GRID2: variants seen among roughly 807,000 people sequenced by gnomAD.
GRID2 encodes the protein glutamate ionotropic receptor delta type subunit 2, also known as glutamate receptor ionotropic, delta-2.
GRID2 carries 33 observed loss-of-function variants against 114.8 expected under a neutral mutation model. That is an observed-to-expected ratio of 0.29 (90% CI 0.22 to 0.38). The LOEUF (loss-of-function observed/expected upper bound fraction) is 0.38, where lower values mean the gene tolerates loss of function less well. GRID2 is among the 10% of genes least tolerant of loss of function. The pLI, the probability that GRID2 is intolerant of heterozygous loss-of-function variation, is 1.00. For synonymous variants in GRID2, 505 were observed against 449.9 expected (o/e 1.12, Z -1.55); for missense variants, 1,184 against 1,257.7 (o/e 0.94, Z 0.89).
intron 14 of GRID2, 92 bp from the exon 15 acceptor site, chr4:93,769,118 A>G (rs1046338665): frequency 1.9e-5 from 24 of 1,243,942 alleles, no homozygotes; most frequent in Admixed American, 3.7e-5. Context: ...GACAGCCACC[A>G]TCCTACAGAG....
intron 1 of GRID2, among the ~76,000 whole-genome samples, chr4:92,339,886 T>G (rs985953441): frequency 6.6e-6 from 1 of 152,168 alleles, no homozygotes; most frequent in African/African-American, 2.4e-5. Flanking sequence ...GCATAAACAC[T>G]GAAATTGCAG....
intron 14 of GRID2, among the ~76,000 whole-genome samples, chr4:93,632,664 TTG>T (rs1399543238): frequency 6.6e-6 from 1 of 152,172 alleles, no homozygotes; most frequent in Non-Finnish European, 1.5e-5. Flanking sequence ...GCCTCCAGCT[TTG>T]TTCTTTTTGC....
At chr4:92,397,338 TTGTATGTGTG>T (rs1730542878) in intron 1 of GRID2, among the ~76,000 whole-genome samples, 1 of 124,188 alleles carries the variant, frequency 8.1e-6, no homozygotes, top group African/African-American at 3.4e-5. Flanking sequence ...CTCTGTGTGT[TTGTATGTGTG>T]TGTGTGTGTG....
At chr4:92,344,690 A>G (rs1003242326) in intron 1 of GRID2, among the ~76,000 whole-genome samples, 1 of 152,130 alleles carries the variant, frequency 6.6e-6, no homozygotes. Flanking sequence ...GGATGGGGCT[A>G]GAATACCTAC....
intron 2 of GRID2, among the ~76,000 whole-genome samples, chr4:92,867,368 G>T (rs1744943968): frequency 6.6e-6 from 1 of 152,100 alleles, no homozygotes; most frequent in Admixed American, 6.5e-5. Flanking sequence ...AAGCTAGAGT[G>T]AAATATGTCA....
intron 1 of GRID2, among the ~76,000 whole-genome samples, chr4:92,463,248 C>T (rs930103848): frequency 9.2e-5 from 14 of 151,790 alleles, no homozygotes; most frequent in African/African-American, 3.4e-4. Context: ...ATTATCCTCT[C>T]AAAGGAAGGA....
At chr4:92,798,303 A>G (rs1206367528) in intron 2 of GRID2, among the ~76,000 whole-genome samples, 10 of 152,022 alleles carry the variant, frequency 6.6e-5, no homozygotes, top group Non-Finnish European at 2.9e-5. Context: ...GTACCTGATG[A>G]GCTATTAAAA....
chr4:92,450,106 G>C (rs957653574), intron 1 of GRID2, among the ~76,000 whole-genome samples: 6 of 151,938 alleles, frequency 3.9e-5, no homozygotes, highest in African/African-American at 1.4e-4. Flanking sequence ...AGAAGCAAAA[G>C]TTTAGCTCTG....
intron 2 of GRID2, among the ~76,000 whole-genome samples, chr4:92,876,227 C>T (rs907964092): frequency 6.6e-6 from 1 of 151,202 alleles, no homozygotes; most frequent in African/African-American, 2.4e-5. Context: ...CTGTTTCGAA[C>T]AGCAAATTTA....
intron 8 of GRID2, among the ~76,000 whole-genome samples, chr4:93,296,180 G>T (rs1754291674): frequency 6.6e-6 from 1 of 152,108 alleles, no homozygotes; most frequent in African/African-American, 2.4e-5. Flanking sequence ...TGCATTTGTT[G>T]GTGGCCACTC....
intron 2 of GRID2, among the ~76,000 whole-genome samples, chr4:92,923,215 G>T (rs1403924675): frequency 6.6e-6 from 1 of 152,034 alleles, no homozygotes; most frequent in Non-Finnish European, 1.5e-5. Context: ...ATAACTGTCA[G>T]GAAATTGAAG....
chr4:93,328,878 A>G (rs578010752), intron 8 of GRID2, among the ~76,000 whole-genome samples: 2 of 152,302 alleles, frequency 1.3e-5, no homozygotes, highest in East Asian at 1.9e-4. Context: ...ACTGGATGAA[A>G]TCGTCCAGGG....
In GRID2 at chr4:92,441,837, C is replaced by T. The variant is rs867748211; in HGVS notation, c.88+137093C>T. Among the ~76,000 whole-genome samples, 430 of 144,366 alleles carry T rather than the reference C, an allele frequency of 3.0e-3. 1 individual carries two copies. Among genetic ancestry groups the T allele is most frequent in the African/African-American group, 9.7e-3 (375 of 38,744 alleles). The allele number at this position is 144,366 out of a possible 152,430, so 94.7% of individuals were successfully genotyped here. ...AAGGTGGGGGGATACAAGAGGAGGA[C>T]GCAAAGGAGGCTTTGGATTGGGAAG... On this transcript the variant is annotated intron_variant, in intron 1 of 15. Coordinates refer to ENST00000282020, the MANE Select transcript of GRID2 (RefSeq NM_001510.4).
intron 2 of GRID2, among the ~76,000 whole-genome samples, chr4:92,608,385 A>C (rs1033343607): frequency 6.6e-6 from 1 of 151,864 alleles, no homozygotes; most frequent in Non-Finnish European, 1.5e-5. Flanking sequence ...AAATGGTTTG[A>C]GTTCAAAGAT....
intron 2 of GRID2, among the ~76,000 whole-genome samples, chr4:92,812,481 C>T (rs1251780014): frequency 6.6e-6 from 1 of 151,966 alleles, no homozygotes; most frequent in Non-Finnish European, 1.5e-5. Flanking sequence ...ATGGATGAAA[C>T]CATACATCAT....
chr4:92,645,487 A>G (rs777380139), intron 2 of GRID2, among the ~76,000 whole-genome samples: 3 of 151,820 alleles, frequency 2.0e-5, no homozygotes, highest in Non-Finnish European at 4.4e-5. Context: ...AATTTTCTTA[A>G]CAGTACTTTA....
intron 1 of GRID2, among the ~76,000 whole-genome samples, chr4:93,806,039 G>A (rs1735022229): frequency 6.6e-6 from 1 of 152,136 alleles, no homozygotes; most frequent in South Asian, 2.1e-4. Flanking sequence ...GGAGGTTGCA[G>A]TGAGCTGAGA....
At chr4:93,693,800 A>G (rs898492850) in intron 14 of GRID2, among the ~76,000 whole-genome samples, 1 of 152,188 alleles carries the variant, frequency 6.6e-6, no homozygotes, top group Non-Finnish European at 1.5e-5. Context: ...TTGGGACCAA[A>G]AAATCTGAAA....
chr4:92,601,007 G>C lies in GRID2; in HGVS notation c.244+10721G>C, dbSNP rs1180754224. 2.6e-5 allele frequency among the ~76,000 whole-genome samples: 4 copies of C among 152,266 alleles called. No homozygotes were observed. In the East Asian group the frequency reaches 7.7e-4, roughly 29 times the overall value. ...AGGACTAAGTCTGTTGATCCATGGAGACCACAGCCGTCCCTCCCCCAAAGG... is the reference window on the plus strand; with the variant it reads ...AGGACTAAGTCTGTTGATCCATGGACACCACAGCCGTCCCTCCCCCAAAGG... On this transcript the variant is annotated intron_variant, in intron 2 of 15. Transcript: ENST00000282020.
Sources: allele counts gnomAD v4.1 joint callset (sites outside exome capture counted in the v4.1 genomes callset), GRCh38; gene constraint gnomAD v4.1.1; transcripts MANE v1.5; gene names NCBI Gene and HGNC (gene_info 2026-07-23, HGNC 2026-07-21).